Variants in ARHGAP8 observed in about 807,000 individuals in gnomAD.
ARHGAP8 encodes Rho GTPase activating protein 8, also known as rho GTPase-activating protein 8.
ARHGAP8 carries 62 observed loss-of-function variants against 46.1 expected under a neutral mutation model. The observed-to-expected ratio is 1.34, with a 90% CI of 1.10 to 1.66. The LOEUF (loss-of-function observed/expected upper bound fraction) is 1.66, where lower values mean the gene tolerates loss of function less well. ARHGAP8 is among the 40% of genes most tolerant of loss of function. The pLI, the probability that ARHGAP8 is intolerant of heterozygous loss-of-function variation, is 0.00. For synonymous variants in ARHGAP8, 375 were observed against 243.1 expected, an observed-to-expected ratio of 1.54 and a Z score of -5.05; for missense variants, 923 against 568.4, an observed-to-expected ratio of 1.62 and a Z score of -6.34.
rs747190851 is a variant in ARHGAP8, at chr22:44,845,341, A to G, written c.669A>G (p.Lys223=). The G allele has an allele frequency of 6.2e-7, 1 of 1,614,050 alleles. No individual in the cohort carries two copies. Among genetic ancestry groups the G allele is most frequent in the East Asian group, 2.2e-5 (1 of 44,876 alleles). ...LRFTVTYLRE[K]GLRTEGLFRR... ...TCACAGTGACGTACCTGAGAGAGAAAGGTGAGACGGGGCCGGCTCCAGCTG... is the reference window on the plus strand; with the variant it reads ...TCACAGTGACGTACCTGAGAGAGAAGGGTGAGACGGGGCCGGCTCCAGCTG... The change falls in exon 8 of 12, where the codon AAA becomes AAG. Residue 223 remains lysine (K), a splice_region_variant and synonymous_variant. Coordinates refer to ENST00000356099, the MANE Select transcript of ARHGAP8 (RefSeq NM_181335.3).
intron 10 of ARHGAP8, among the ~76,000 whole-genome samples, chr22:44,858,797 A>C (rs1036533494): frequency 4.6e-5 from 7 of 150,736 alleles, no homozygotes; most frequent in Non-Finnish European, 1.0e-4. Context: ...CTGCCTTTCC[A>C]AGAGCAACAA....
intron 10 of ARHGAP8, among the ~76,000 whole-genome samples, chr22:44,857,795 C>A (rs1345160146): frequency 6.7e-6 from 1 of 149,566 alleles, no homozygotes; most frequent in Non-Finnish European, 1.5e-5. Flanking sequence ...CCTAACCTCT[C>A]AGAGCTCTCT....
At chr22:44,825,111 G>A (rs546080693) in intron 6 of ARHGAP8, among the ~76,000 whole-genome samples, 2 of 151,700 alleles carry the variant, frequency 1.3e-5, no homozygotes, top group East Asian at 1.9e-4. Context: ...CAAAAGGGAC[G>A]AGGTTCCTTT....
At chr22:44,806,957 CAAAAA>C (rs565485539) in intron 3 of ARHGAP8, among the ~76,000 whole-genome samples, 1 of 113,092 alleles carries the variant, frequency 8.8e-6, no homozygotes. Flanking sequence ...GACTCTGTCT[CAAAAA>C]AAAAAAAAAA....
chr22:44,769,947 C>T (rs929565611), intron 1 of ARHGAP8, among the ~76,000 whole-genome samples: 1 of 151,964 alleles, frequency 6.6e-6, no homozygotes, highest in Non-Finnish European at 1.5e-5. Flanking sequence ...AGGATGCAGT[C>T]ACAGGACTGT....
At chr22:44,791,798 C>T (rs771122611) in intron 2 of ARHGAP8, among the ~76,000 whole-genome samples, 15 of 152,210 alleles carry the variant, frequency 9.9e-5, no homozygotes, top group East Asian at 1.9e-4. Context: ...GAAAAGATGC[C>T]GGCCTTAACC....
At position 44,862,487 on chromosome 22, in the gene ARHGAP8, G is replaced by C; in HGVS notation, c.1194G>C (p.Gly398=). 1 of 1,613,240 alleles carries C rather than the reference G, an allele frequency of 6.2e-7. No individual in the cohort carries two copies. The highest frequency in any genetic ancestry group is 8.5e-7 in the Non-Finnish European group (1 of 1,179,516). The part of the protein sequence containing the change: ...GEHGLAPWEQ[G]SRAAPLQEAV... ...ACGGCCTGGCACCATGGGAACAGGG[G>C]AGCAGGGCAGCCCCTTTGCAGGAGG... is the stretch of plus-strand genomic sequence containing the variant. Residue 398 remains glycine, a synonymous_variant, in exon 12 of 12, where the codon GGG becomes GGC. Coordinates refer to ENST00000356099, the MANE Select transcript of ARHGAP8 (RefSeq NM_181335.3).
At chr22:44,781,091 G>A (rs983985949) in intron 1 of ARHGAP8, among the ~76,000 whole-genome samples, 4 of 152,116 alleles carry the variant, frequency 2.6e-5, no homozygotes, top group Admixed American at 6.6e-5. Context: ...GGCGGCTGCC[G>A]GGCAGATTTC....
In ARHGAP8 at chr22:44,860,615, A is replaced by C. The variant is rs139779253; in HGVS notation, c.981+781A>C. Among the ~76,000 whole-genome samples, 780 of 131,128 alleles carry C rather than the reference A, an allele frequency of 5.9e-3. 8 individuals are homozygous for C. Among genetic ancestry groups the C allele is most frequent in the South Asian group, 0.021 (82 of 3,876 alleles). 86.0% of individuals were successfully genotyped at this position (131,128 alleles called of 152,430 possible). A position where few individuals can be genotyped will look rare whatever the true frequency, so the allele number is the denominator to read the frequency against. ...AGTCAGATTCTCTGTGGTCTATCTTAGAGGGGCCACCATTCAATCTACTAC... is the reference window on the plus strand; with the variant it reads ...AGTCAGATTCTCTGTGGTCTATCTTCGAGGGGCCACCATTCAATCTACTAC... On this transcript the variant is annotated intron_variant, in intron 11 of 11. Coordinates refer to ENST00000356099, the MANE Select transcript of ARHGAP8 (RefSeq NM_181335.3).
chr22:44,822,435 T>TA lies in ARHGAP8; in HGVS notation c.452dup (p.Tyr151Ter). ...YLSELHEHLK[Y>*]DQLVIPPEVL... ...GAGTGAGCTCCACGAACACCTTAAA[T>TA]ACGACCAGCTGGTCATCCCTCCCGA... The change falls in exon 6 of 12, where the codon TAC becomes TAAC. Residue 151 changes from tyrosine to a stop codon, truncating the protein, a stop_gained and frameshift_variant. Coordinates refer to ENST00000356099, the MANE Select transcript of ARHGAP8 (RefSeq NM_181335.3). LOFTEE classifies it high-confidence loss of function. 6.4e-7 allele frequency: 1 copy of TA among 1,567,344 alleles called. No individual in the cohort carries two copies. The highest frequency in any genetic ancestry group is 8.6e-7 in the Non-Finnish European group (1 of 1,164,668).
chr22:44,781,278 C>T (rs1926829101), intron 1 of ARHGAP8, among the ~76,000 whole-genome samples: 1 of 152,096 alleles, frequency 6.6e-6, no homozygotes, highest in African/African-American at 2.4e-5. Flanking sequence ...CATGATTTTG[C>T]CTTCTGGTTT....
chr22:44,786,476 G>A lies in ARHGAP8; in HGVS notation c.-52G>A, dbSNP rs376879064. On this transcript the variant is annotated 5_prime_UTR_variant, in exon 2 of 12. Transcript: ENST00000356099. The stretch of plus-strand genomic sequence containing the variant: ...CCGCAGAGCTGCAGAGAGACAAGGC[G>A]GCGGCGGCTGCTGTGCTGGGTGCAG... The A allele has an allele frequency of 4.2e-5, 68 of 1,607,112 alleles. No homozygotes were observed. The African/African-American group carries it at 6.3e-4, about 15-fold the overall frequency.
At chr22:44,848,300 C>G (rs1445537475) in intron 9 of ARHGAP8, among the ~76,000 whole-genome samples, 1 of 152,200 alleles carries the variant, frequency 6.6e-6, no homozygotes, top group Non-Finnish European at 1.5e-5. Flanking sequence ...CCTTTAGGGT[C>G]TCTCCATCCA....
intron 2 of ARHGAP8, among the ~76,000 whole-genome samples, chr22:44,787,938 TTTC>T (rs1357582185): frequency 1.5e-5 from 2 of 136,376 alleles, no homozygotes; most frequent in African/African-American, 5.6e-5. Flanking sequence ...TTTTTTTTTT[TTTC>T]CCCCCAAATG....
chr22:44,795,391 G>A (rs1928008324), intron 2 of ARHGAP8, among the ~76,000 whole-genome samples: 1 of 152,062 alleles, frequency 6.6e-6, no homozygotes, highest in South Asian at 2.1e-4. Flanking sequence ...GGTACCTCGG[G>A]CCCTGTGGCT....
intron 10 of ARHGAP8, among the ~76,000 whole-genome samples, chr22:44,855,495 A>G (rs538345382): frequency 6.6e-6 from 1 of 152,282 alleles, no homozygotes; most frequent in Non-Finnish European, 1.5e-5. Flanking sequence ...TTTCATACAT[A>G]GTTTCATACA....
At chr22:44,754,766 A>G (rs1924536055) in intron 1 of ARHGAP8, among the ~76,000 whole-genome samples, 1 of 152,124 alleles carries the variant, frequency 6.6e-6, no homozygotes, top group African/African-American at 2.4e-5. Flanking sequence ...ACTGTAAACG[A>G]TGGAGTTAAA....
chr22:44,804,478 A>AT (rs1928796864), intron 3 of ARHGAP8, among the ~76,000 whole-genome samples: 1 of 152,214 alleles, frequency 6.6e-6, no homozygotes, highest in Non-Finnish European at 1.5e-5. Context: ...CAATGAACTG[A>AT]TTGAGCTTCA....
chr22:44,849,096 G>C (rs1276945873), intron 10 of ARHGAP8, 36 bp downstream of exon 10: 2 of 1,611,428 alleles, frequency 1.2e-6, no homozygotes, highest in Admixed American at 3.3e-5. Context: ...TGGGGGGCTT[G>C]GTCCTCAGAT....
Sources: gnomAD v4.1 joint callset for allele counts (sites outside exome capture counted in the v4.1 genomes callset) on GRCh38, gnomAD v4.1.1 for gene constraint, MANE v1.5 for transcripts, NCBI Gene and HGNC (gene_info 2026-07-23, HGNC 2026-07-21) for gene names.